PACS1: variants seen among roughly 807,000 people sequenced by gnomAD.
PACS1 encodes PACS-1.
PACS1 carries 24 observed loss-of-function variants against 115.0 expected under a neutral mutation model. That is an observed-to-expected ratio of 0.21 (90% confidence interval 0.15 to 0.29). PACS1 has a LOEUF of 0.29. Among genes scored for constraint, PACS1 ranks in the 10% least tolerant of loss-of-function variants. PACS1 has a pLI of 1.00. For synonymous variants in PACS1, 453 were observed against 504.5 expected, an observed-to-expected ratio of 0.90 and a Z score of 1.37; for missense variants, 838 against 1,251.2, an observed-to-expected ratio of 0.67 and a Z score of 4.98.
chr11:66,219,526 A>T (rs1855292004), intron 7 of PACS1: 1 of 676,070 alleles, frequency 1.5e-6, no homozygotes. Flanking sequence ...CTGGGGATAG[A>T]CATTCCTTCT....
chr11:66,103,899 G>A (rs993395977), intron 1 of PACS1, among the ~76,000 whole-genome samples: 1 of 152,006 alleles, frequency 6.6e-6, no homozygotes, highest in Non-Finnish European at 1.5e-5. Flanking sequence ...ATCAGCTCAG[G>A]GGCAGTGCTG....
At chr11:66,182,896 T>C (rs954800822) in intron 1 of PACS1, among the ~76,000 whole-genome samples, 5 of 152,088 alleles carry the variant, frequency 3.3e-5, no homozygotes, top group Admixed American at 2.6e-4. Context: ...CTTCAGGAGG[T>C]TGAGGCGGGC....
Position 66,075,112 on chromosome 11 carries a change from T to G in PACS1, c.356+4270T>G, listed in dbSNP as rs189635732. On this transcript the variant is annotated intron_variant, in intron 1 of 23. Transcript: ENST00000320580. ...CGCCTGCCACCACACCTGGCTAATT[T>G]TTTGTATTTTTTTGTACAGATGGCG... 5.0e-3 allele frequency among the ~76,000 whole-genome samples: 761 copies of G among 151,972 alleles called. 4 individuals are homozygous for G. Among genetic ancestry groups the G allele is most frequent in the African/African-American group, 0.017 (718 of 41,418 alleles).
rs1855329234 is a variant in PACS1, at chr11:66,220,920, T to C, written c.1199+129T>C. ...CCTTCATCCTTTCTGAACCTCTGGC[T>C]GTCTTGGAGAAGGTCACTGTTTTGC... On this transcript the variant is annotated intron_variant, in intron 9 of 23. Coordinates refer to ENST00000320580, the MANE Select transcript of PACS1 (RefSeq NM_018026.4). The C allele has an allele frequency of 3.6e-6, 4 of 1,115,284 alleles. No homozygotes were observed. The South Asian group carries it at 6.2e-5, about 17-fold the overall frequency. The allele number at this position is 1,115,284 out of a possible 1,614,324, so 69.1% of individuals were successfully genotyped here. A position where few individuals can be genotyped will look rare whatever the true frequency, so the allele number is the denominator to read the frequency against.
At chr11:66,132,764 G>T (rs543750627) in intron 1 of PACS1, among the ~76,000 whole-genome samples, 1 of 152,264 alleles carries the variant, frequency 6.6e-6, no homozygotes, top group Non-Finnish European at 1.5e-5. Flanking sequence ...CGCCTCCCAG[G>T]TTCAAGCAAT....
At chr11:66,117,287 C>T (rs574190271) in intron 1 of PACS1, among the ~76,000 whole-genome samples, 1 of 151,760 alleles carries the variant, frequency 6.6e-6, no homozygotes, top group Non-Finnish European at 1.5e-5. Flanking sequence ...ATGGTGAAAT[C>T]GTGTCTCTCC....
At position 66,216,705 on chromosome 11, in the gene PACS1, A is replaced by G. The variant is rs1454114391; in HGVS notation, c.908A>G (p.Tyr303Cys). The G allele has an allele frequency of 4.3e-6, 7 of 1,613,758 alleles. No individual in the cohort carries two copies. Among genetic ancestry groups the G allele is most frequent in the African/African-American group, 1.3e-5 (1 of 74,852 alleles). Residue 303 changes from tyrosine (Y) to cysteine (C), a missense_variant, in exon 7 of 24, where the codon TAC (tyrosine) becomes TGC (cysteine). This residue lies in a region of PACS1 where 223 missense variants were observed against 354.0 expected (regional missense o/e 0.63). Coordinates refer to ENST00000320580, the MANE Select transcript of PACS1 (RefSeq NM_018026.4). ...DDPLHGQDLFYEDEDLRKVKK... is the reference protein window; with the variant it reads ...DDPLHGQDLFCEDEDLRKVKK... ...CCTGTACCCACTTAGGACTTGTTCT[A>G]CGAAGACGAAGATCTCCGGAAAGTG...
rs1268512507 is a variant in PACS1 at position 66,227,714 on chromosome 11, A to G, written c.1374+130A>G. On this transcript the variant is annotated intron_variant, in intron 11 of 23. Coordinates refer to ENST00000320580, the MANE Select transcript of PACS1 (RefSeq NM_018026.4). ...ATCTGCAGGCTTATGAATGTCCTGC[A>G]CTCTCTTTCTCCTGAAATCCTTACC... 7 of 582,832 alleles carry G rather than the reference A, an allele frequency of 1.2e-5. No homozygotes were observed. In the East Asian group the frequency reaches 2.1e-4, roughly 18 times the overall value. The allele number at this position is 582,832 out of a possible 1,614,324, so 36.1% of individuals were successfully genotyped here.
intron 2 of PACS1, among the ~76,000 whole-genome samples, chr11:66,196,645 T>C (rs942403549): frequency 6.6e-6 from 1 of 152,196 alleles, no homozygotes; most frequent in East Asian, 1.9e-4. Context: ...AGTCTCGCCC[T>C]GTTATTCAAT....
chr11:66,157,452 A>G (rs1349650166), intron 1 of PACS1, among the ~76,000 whole-genome samples: 1 of 148,216 alleles, frequency 6.7e-6, no homozygotes, highest in Non-Finnish European at 1.5e-5. Flanking sequence ...GATAAGTTTT[A>G]GGTACCTGTG....
intron 1 of PACS1, among the ~76,000 whole-genome samples, chr11:66,074,680 C>G (rs549133151): frequency 6.6e-6 from 1 of 152,182 alleles, no homozygotes; most frequent in Admixed American, 6.5e-5. Flanking sequence ...TCACTTTTCT[C>G]CTTAGGTCAC....
chr11:66,129,216 G>A (rs192774597), intron 1 of PACS1, among the ~76,000 whole-genome samples: 275 of 147,060 alleles, frequency 1.9e-3, no homozygotes, highest in African/African-American at 5.3e-3. Flanking sequence ...CAGATCACCT[G>A]AAGTCAGGAG....
chr11:66,191,036 C>T (rs2134670161), intron 1 of PACS1, among the ~76,000 whole-genome samples: 1 of 152,334 alleles, frequency 6.6e-6, no homozygotes, highest in East Asian at 1.9e-4. Flanking sequence ...TATTATCTTG[C>T]ATTTCTGCAG....
At chr11:66,079,212 G>A (rs548533149) in intron 1 of PACS1, among the ~76,000 whole-genome samples, 1 of 151,402 alleles carries the variant, frequency 6.6e-6, no homozygotes. Context: ...CTGAAACATT[G>A]TGTGTGTTTG....
rs1855763501 is a variant in PACS1 at position 66,239,244 on chromosome 11, C to A, written c.2396C>A (p.Ser799Tyr). 1 of 1,613,546 alleles carries A rather than the reference C, an allele frequency of 6.2e-7. No homozygotes were observed. The highest frequency in any genetic ancestry group is 8.5e-7 in the Non-Finnish European group (1 of 1,179,990). Residue 799 changes from serine to tyrosine, a missense_variant, in exon 21 of 24, where the codon TCC becomes TAC. By Grantham distance (144) the Ser-to-Tyr change is moderately radical. Transcript: ENST00000320580. ...GACGCCACGGCCACCCCTCCCTCCT[C>A]CCCATCTATGAGCAGCGCCCTGGCC... is the stretch of plus-strand genomic sequence containing the variant. ...SRDATATPPS[S>Y]PSMSSALAIV...
intron 1 of PACS1, among the ~76,000 whole-genome samples, chr11:66,117,744 G>A (rs1242335513): frequency 6.6e-6 from 1 of 151,950 alleles, no homozygotes; most frequent in Non-Finnish European, 1.5e-5. Context: ...TACTTGGGAG[G>A]CTGAGGCAGG....
At chr11:66,189,450 A>C (rs1004917070) in intron 1 of PACS1, among the ~76,000 whole-genome samples, 1 of 152,338 alleles carries the variant, frequency 6.6e-6, no homozygotes, top group African/African-American at 2.4e-5. Flanking sequence ...CTCCTAACAT[A>C]ATTCTGCCAT....
At chr11:66,179,548 G>A (rs1331174186) in intron 1 of PACS1, among the ~76,000 whole-genome samples, 1 of 152,032 alleles carries the variant, frequency 6.6e-6, no homozygotes, top group Non-Finnish European at 1.5e-5. Flanking sequence ...GTAATGTTTG[G>A]GTCAGTATAA....
chr11:66,232,932 T>TC, intron 14 of PACS1, 28 bp from the exon 15 acceptor site: 1 of 1,539,780 alleles, frequency 6.5e-7, no homozygotes, highest in Non-Finnish European at 9.0e-7. Context: ...CTCACCTGTG[T>TC]CCCTGCTCTC....
Sources: gnomAD v4.1 joint callset for allele counts (sites outside exome capture counted in the v4.1 genomes callset) on GRCh38, gnomAD v4.1.1 for gene constraint, gnomAD v4.1.1 regional missense constraint, MANE v1.5 for transcripts, NCBI Gene and HGNC (gene_info 2026-07-23, HGNC 2026-07-21) for gene names.